The following GPHN variants were observed in gnomAD, a reference collection of about 807,000 sequenced individuals.
GPHN encodes the protein gephyrin.
Under a neutral mutation model 95.5 loss-of-function variants are expected in GPHN, and 17 were observed. That is an observed-to-expected ratio of 0.18 (90% confidence interval 0.12 to 0.27). The LOEUF (loss-of-function observed/expected upper bound fraction) is 0.27, where lower values mean the gene tolerates loss of function less well. GPHN is among the 10% of genes least tolerant of loss of function. The probability of loss-of-function intolerance (pLI) is 1.00; values close to 1 mark genes in which losing one functional copy is unlikely to be tolerated. For missense variants in GPHN, 660 were observed against 978.1 expected, an observed-to-expected ratio of 0.67 and a Z score of 4.34; for synonymous variants, 320 against 322.5, an observed-to-expected ratio of 0.99 and a Z score of 0.08.
At chr14:67,144,391 T>C (rs543757295) in intron 18 of GPHN, among the ~76,000 whole-genome samples, 1 of 149,956 alleles carries the variant, frequency 6.7e-6, no homozygotes, top group South Asian at 2.1e-4. Context: ...AACACTAAGT[T>C]TACATTTCTT....
Position 66,922,857 on chromosome 14 carries a change from A to C in GPHN, c.648A>C (p.Glu216Asp). The part of the protein sequence containing the change: ...EDKGVQCEEE[E>D]EEKKDSGVAS... Reference sequence around the variant, plus strand: ...AAGGAGTTCAATGTGAGGAAGAGGAAGAAGAGAAGAAAGACAGTGGTGTTG... The same window carrying C: ...AAGGAGTTCAATGTGAGGAAGAGGACGAAGAGAAGAAAGACAGTGGTGTTG... Residue 216 changes from glutamate to aspartate, a missense_variant, in exon 7 of 23, where the codon GAA (glutamate) becomes GAC (aspartate). Physicochemically the swap from Glu to Asp is conservative, Grantham distance 45. This residue lies in a region of GPHN where 190 missense variants were observed against 224.7 expected (regional missense o/e 0.85). Transcript: ENST00000478722. The C allele has an allele frequency of 6.2e-7, 1 of 1,613,558 alleles. No homozygotes were observed. The highest frequency in any genetic ancestry group is 8.5e-7 in the Non-Finnish European group (1 of 1,179,540).
At chr14:67,532,579 C>T in the GPHN span, among the ~76,000 whole-genome samples, 1 of 152,128 alleles carries the variant, frequency 6.6e-6, no homozygotes, top group Non-Finnish European at 1.5e-5. Context: ...CTCCTGGGCC[C>T]TCCTTTAAAA....
At chr14:67,045,200 C>T (rs975419026) in intron 10 of GPHN, among the ~76,000 whole-genome samples, 1 of 152,206 alleles carries the variant, frequency 6.6e-6, no homozygotes, top group African/African-American at 2.4e-5. Context: ...GACCCATGAC[C>T]AAGCCCTGTC....
chr14:67,163,323 AT>A (rs2082071578), intron 19 of GPHN, among the ~76,000 whole-genome samples: 1 of 151,998 alleles, frequency 6.6e-6, no homozygotes, highest in Non-Finnish European at 1.5e-5. Flanking sequence ...AAATAAATAA[AT>A]AAAAATAGAT....
the GPHN span, among the ~76,000 whole-genome samples, chr14:67,485,173 G>A: frequency 6.6e-6 from 1 of 152,314 alleles, no homozygotes; most frequent in Non-Finnish European, 1.5e-5. Flanking sequence ...CGGTACAACA[G>A]CCTTAAGGCT....
the GPHN span, among the ~76,000 whole-genome samples, chr14:67,584,349 CAACT>C: frequency 6.6e-6 from 1 of 151,994 alleles, no homozygotes; most frequent in Non-Finnish European, 1.5e-5. Flanking sequence ...AAGATGTGAT[CAACT>C]AATTCACACA....
the GPHN span, chr14:67,620,042 C>G: frequency 1.2e-6 from 2 of 1,611,872 alleles, no homozygotes; most frequent in Non-Finnish European, 1.7e-6. Flanking sequence ...CTGAAGAAAT[C>G]CGTCCACTCC....
At chr14:67,633,298 T>C in the GPHN span, among the ~76,000 whole-genome samples, 18 of 152,198 alleles carry the variant, frequency 1.2e-4, no homozygotes, top group Non-Finnish European at 2.4e-4. Flanking sequence ...AGTTTATTTA[T>C]AGAAGAATCT....
chr14:67,451,080 G>A, the GPHN span, among the ~76,000 whole-genome samples: 2 of 152,250 alleles, frequency 1.3e-5, no homozygotes, highest in African/African-American at 4.8e-5. Context: ...GAGGGTGCAA[G>A]TCTCAAGCCT....
At chr14:67,619,568 G>T in the GPHN span, among the ~76,000 whole-genome samples, 5 of 152,282 alleles carry the variant, frequency 3.3e-5, no homozygotes, top group African/African-American at 1.2e-4. Context: ...AGCCGGGCGT[G>T]AAGATTGGTG....
At chr14:67,569,299 C>A in the GPHN span, 1 of 970,726 alleles carries the variant, frequency 1.0e-6, no homozygotes, top group Non-Finnish European at 1.6e-6. Context: ...CTCCAAGCAA[C>A]ACCCAGGGCC....
At chr14:66,614,175 A>G (rs2062900229) in intron 1 of GPHN, among the ~76,000 whole-genome samples, 1 of 152,176 alleles carries the variant, frequency 6.6e-6, no homozygotes, top group Admixed American at 6.5e-5. Flanking sequence ...TGAAAATAAC[A>G]TAACAGTAAA....
At chr14:67,588,575 G>T in the GPHN span, 1 of 152,016 alleles carries the variant, frequency 6.6e-6, no homozygotes, top group African/African-American at 2.4e-5. Context: ...GAGGAGACTA[G>T]ACAGTCTCCT....
In GPHN at chr14:66,691,254, G is replaced by A. The variant is rs150515299; in HGVS notation, c.143+10069G>A. Among the ~76,000 whole-genome samples, 1,116 of 151,868 alleles carry A rather than the reference G, an allele frequency of 7.3e-3. 6 individuals carry two copies. The highest frequency in any genetic ancestry group is 0.026 in the African/African-American group (1,066 of 41,406). On this transcript the variant is annotated intron_variant, in intron 2 of 22. Transcript: ENST00000478722. ...GGCTGAAGTGCAGTGGCGCAATCTC[G>A]GCTCACTGCAACGACCGCCTCCTGG... is the stretch of plus-strand genomic sequence containing the variant.
chr14:67,360,790 C>T, the GPHN span: 1 of 152,268 alleles, frequency 6.6e-6, no homozygotes, highest in African/African-American at 2.4e-5. Context: ...CACCGTAACT[C>T]TTAACCCCGG....
At chr14:66,678,512 A>C (rs1240657609) in intron 1 of GPHN, among the ~76,000 whole-genome samples, 2 of 148,724 alleles carry the variant, frequency 1.3e-5, no homozygotes, top group African/African-American at 5.0e-5. Flanking sequence ...TATATTTTCT[A>C]TCTGTGTTCT....
At chr14:66,929,219 C>G (rs1334109353) in intron 8 of GPHN, among the ~76,000 whole-genome samples, 4 of 151,958 alleles carry the variant, frequency 2.6e-5, no homozygotes, top group Non-Finnish European at 5.9e-5. Context: ...CCGTGCCCAG[C>G]TAATTTTTGT....
intron 1 of GPHN, among the ~76,000 whole-genome samples, chr14:66,531,877 A>G (rs2058956716): frequency 6.6e-6 from 1 of 152,214 alleles, no homozygotes; most frequent in Non-Finnish European, 1.5e-5. Flanking sequence ...AAAAGACTAG[A>G]TAGTGAATTT....
chr14:67,608,212 C>T, the GPHN span, among the ~76,000 whole-genome samples: 3 of 152,034 alleles, frequency 2.0e-5, no homozygotes, highest in Non-Finnish European at 4.4e-5. Context: ...CCACTGCACT[C>T]CAGCCTGGGT....
Sources: gnomAD v4.1 joint callset for allele counts (sites outside exome capture counted in the v4.1 genomes callset) on GRCh38, gnomAD v4.1.1 for gene constraint, gnomAD v4.1.1 regional missense constraint, MANE v1.5 for transcripts, NCBI Gene and HGNC (gene_info 2026-07-23, HGNC 2026-07-21) for gene names.